The following RB1 variants were observed in gnomAD, a reference collection of about 807,000 sequenced individuals.
RB1 encodes RB transcriptional corepressor 1.
RB1 carries 18 observed loss-of-function variants against 135.4 expected under a neutral mutation model. That is an observed-to-expected ratio of 0.13 (90% confidence interval 0.09 to 0.20). RB1 has a LOEUF of 0.20. Among genes scored for constraint, RB1 ranks in the 10% least tolerant of loss-of-function variants. The probability of loss-of-function intolerance (pLI) is 1.00; values close to 1 mark genes in which losing one functional copy is unlikely to be tolerated. For synonymous variants in RB1, 365 were observed against 373.2 expected (o/e 0.98, Z 0.25); for missense variants, 868 against 1,110.0 (o/e 0.78, Z 3.10).
intron 17 of RB1, among the ~76,000 whole-genome samples, chr13:48,402,959 G>T (rs571716908): frequency 6.6e-6 from 1 of 151,796 alleles, no homozygotes; most frequent in Non-Finnish European, 1.5e-5. Flanking sequence ...GCTTCTGTTC[G>T]TAAAGTACTA....
chr13:48,381,904 TCTC>T (rs4151541), intron 17 of RB1, among the ~76,000 whole-genome samples: 134,391 of 151,494 alleles, frequency 0.89, 60,987 homozygotes, highest in East Asian at 1. Context: ...GTCCACGTGT[TCTC>T]ATTGTTCATT....
At chr13:48,445,767 C>T (rs1311707736) in intron 17 of RB1, among the ~76,000 whole-genome samples, 5 of 152,018 alleles carry the variant, frequency 3.3e-5, no homozygotes, top group South Asian at 4.1e-4. Context: ...CCCTGAGCAC[C>T]GTGTAAGTAG....
intron 17 of RB1, among the ~76,000 whole-genome samples, chr13:48,401,894 CA>C (rs1948695264): frequency 6.6e-6 from 1 of 152,140 alleles, no homozygotes; most frequent in Non-Finnish European, 1.5e-5. Flanking sequence ...AAGAATTCTT[CA>C]AAGACTAACA....
intron 7 of RB1, 183 bp downstream of exon 7, chr13:48,360,310 G>A (rs373508914): frequency 7.6e-7 from 1 of 1,317,674 alleles, no homozygotes; most frequent in Non-Finnish European, 9.9e-7. Flanking sequence ...AATGATTAGA[G>A]TATATGGTAG....
chr13:48,332,535 C>A (rs1046653474), intron 2 of RB1, among the ~76,000 whole-genome samples: 9 of 152,168 alleles, frequency 5.9e-5, no homozygotes, highest in African/African-American at 2.2e-4. Context: ...TGTGCCACAG[C>A]AATCCAGTCT....
intron 1 of RB1, among the ~76,000 whole-genome samples, chr13:48,304,641 A>G (rs141731333): frequency 7.7e-4 from 118 of 152,290 alleles, no homozygotes; most frequent in African/African-American, 2.8e-3. Flanking sequence ...ACAATAATGC[A>G]TCGAGGCCTT....
Position 48,480,085 on chromosome 13 carries a change from T to C in RB1, c.*14T>C, listed in dbSNP as rs780696352. On this transcript the variant is annotated 3_prime_UTR_variant, in exon 27 of 27. Transcript: ENST00000267163. ...GAAGAGAAATGAGGATCTCAGGACC[T>C]TGGTGGACACTGTGTACACCTCTGG... 2.5e-6 allele frequency: 4 copies of C among 1,597,904 alleles called. No individual in the cohort carries two copies. In the East Asian group the frequency reaches 9.0e-5, roughly 36 times the overall value.
intron 23 of RB1, among the ~76,000 whole-genome samples, chr13:48,465,701 G>C (rs1261569648): frequency 6.6e-6 from 1 of 151,380 alleles, no homozygotes; most frequent in Non-Finnish European, 1.5e-5. Context: ...GTGTGTGTGC[G>C]CACCGTGTGC....
intron 2 of RB1, among the ~76,000 whole-genome samples, chr13:48,335,013 G>A (rs1431163384): frequency 6.6e-6 from 1 of 152,078 alleles, no homozygotes; most frequent in Non-Finnish European, 1.5e-5. Flanking sequence ...TTTAAAAAAT[G>A]TATGCAGGAT....
rs1948518297 is a variant in RB1 at position 48,380,011 on chromosome 13, A to G, written c.1390-42A>G. The G allele has an allele frequency of 4.2e-6, 5 of 1,187,584 alleles. No homozygotes were observed. In the South Asian group the frequency reaches 6.2e-5, roughly 15 times the overall value. The allele number at this position is 1,187,584 out of a possible 1,614,324, so 73.6% of individuals were successfully genotyped here. A position where few individuals can be genotyped will look rare whatever the true frequency, so the allele number is the denominator to read the frequency against. ...CAATGCTGACACAAATAAGGTTTCAATTAAACAACTTCTTTTTTTTTTTTT... is the reference window on the plus strand; with the variant it reads ...CAATGCTGACACAAATAAGGTTTCAGTTAAACAACTTCTTTTTTTTTTTTT... On this transcript the variant is annotated intron_variant, in intron 14 of 26. Transcript: ENST00000267163.
intron 17 of RB1, among the ~76,000 whole-genome samples, chr13:48,452,571 T>G (rs910289199): frequency 6.6e-6 from 1 of 152,124 alleles, no homozygotes; most frequent in African/African-American, 2.4e-5. Flanking sequence ...CTATCTCTTT[T>G]CTTTATCTTG....
In RB1 at chr13:48,378,706, A is replaced by C. The variant is rs114309206; in HGVS notation, c.1333-888A>C. Among the ~76,000 whole-genome samples the C allele has an allele frequency of 6.5e-3, 992 of 152,250 alleles. 15 individuals carry two copies. The highest frequency in any genetic ancestry group is 0.023 in the African/African-American group (945 of 41,538). On this transcript the variant is annotated intron_variant, in intron 13 of 26. Coordinates refer to ENST00000267163, the MANE Select transcript of RB1 (RefSeq NM_000321.3). ...TGTACTGTACATAATTGTATGTACT[A>C]TACTTTTATATGACTGGCAGTGCAA...
At chr13:48,325,428 TCTTA>T (rs1402819589) in intron 2 of RB1, among the ~76,000 whole-genome samples, 16 of 152,116 alleles carry the variant, frequency 1.1e-4, no homozygotes, top group African/African-American at 3.9e-4. Flanking sequence ...CCAATTGAAG[TCTTA>T]CTTATCTACA....
At chr13:48,359,016 C>G (rs1384860549) in intron 6 of RB1, among the ~76,000 whole-genome samples, 1 of 152,090 alleles carries the variant, frequency 6.6e-6, no homozygotes, top group Non-Finnish European at 1.5e-5. Flanking sequence ...TCTGTTTTCT[C>G]ACAAAGTTTC....
chr13:48,356,104 A>G (rs112142097), intron 6 of RB1, among the ~76,000 whole-genome samples: 1,647 of 152,208 alleles, frequency 0.011, 31 homozygotes, highest in African/African-American at 0.038. Flanking sequence ...GCTTGAGGAG[A>G]TGGATACCCC....
intron 17 of RB1, chr13:48,412,249 A>G: frequency 1.9e-6 from 3 of 1,614,136 alleles, no homozygotes; most frequent in Non-Finnish European, 2.5e-6. Context: ...GACATTGCCA[A>G]GTTAATCATG....
At chr13:48,318,886 G>A (rs1952209912) in intron 2 of RB1, 2 of 1,138,510 alleles carry the variant, frequency 1.8e-6, no homozygotes, top group Admixed American at 1.7e-5. Flanking sequence ...TTTCCTGATC[G>A]ATGCTGTCGT....
chr13:48,358,943 A>G (rs1038292126), intron 6 of RB1, among the ~76,000 whole-genome samples: 3 of 152,156 alleles, frequency 2.0e-5, no homozygotes, highest in Non-Finnish European at 4.4e-5. Context: ...TTGTGAATAT[A>G]TTGCAGACAT....
chr13:48,409,340 G>A (rs1948769371), intron 17 of RB1, among the ~76,000 whole-genome samples: 1 of 151,502 alleles, frequency 6.6e-6, no homozygotes, highest in Admixed American at 6.6e-5. Context: ...TTGAAAATGG[G>A]TTTACCTGTC....
Sources: allele counts gnomAD v4.1 joint callset (sites outside exome capture counted in the v4.1 genomes callset), GRCh38; gene constraint gnomAD v4.1.1; transcripts MANE v1.5; gene names NCBI Gene and HGNC (gene_info 2026-07-23, HGNC 2026-07-21).